The following UBOX5 variants were observed in gnomAD, a reference collection of about 807,000 sequenced individuals.
UBOX5 encodes RING finger protein 37.
UBOX5 carries 28 observed loss-of-function variants against 39.0 expected under a neutral mutation model. The observed-to-expected ratio is 0.72, with a 90% confidence interval of 0.53 to 0.98. The LOEUF (loss-of-function observed/expected upper bound fraction) is 0.98, where lower values mean the gene tolerates loss of function less well. Among genes scored for constraint, UBOX5 ranks in the 50% least tolerant of loss-of-function variants. The pLI, the probability that UBOX5 is intolerant of heterozygous loss-of-function variation, is 0.00. For missense variants in UBOX5, 585 were observed against 674.4 expected, an observed-to-expected ratio of 0.87 and a Z score of 1.47; for synonymous variants, 283 against 275.5, an observed-to-expected ratio of 1.03 and a Z score of -0.27.
At chr20:3,154,644 T>C (rs1055993956) in intron 1 of UBOX5, among the ~76,000 whole-genome samples, 11 of 152,082 alleles carry the variant, frequency 7.2e-5, no homozygotes, top group African/African-American at 1.2e-4. Flanking sequence ...GATCCTGCTA[T>C]GGCAGGGTGA....
At chr20:3,115,522 A>G in intron 3 of UBOX5, 56 bp from the exon 4 acceptor site, 2 of 1,543,748 alleles carry the variant, frequency 1.3e-6, no homozygotes, top group Non-Finnish European at 1.7e-6. Context: ...AAAAGAGAAC[A>G]GCCTCAAGTC....
chr20:3,158,098 G>T (rs745968178), intron 1 of UBOX5, among the ~76,000 whole-genome samples: 21 of 151,762 alleles, frequency 1.4e-4, no homozygotes, highest in Non-Finnish European at 2.5e-4. Context: ...CCACCACCAC[G>T]CCTGGCTACA....
At position 3,113,612 on chromosome 20, in the gene UBOX5, A is replaced by G. The variant is rs561833867; in HGVS notation, c.1417+1693T>C. On this transcript the variant is annotated intron_variant, in intron 4 of 4. Coordinates refer to ENST00000217173, the MANE Select transcript of UBOX5 (RefSeq NM_014948.4). ...GCCAGGGGAGGGGCCACAGAAGGAG[A>G]GCAGGGGACTAACCTGAGGTCACCT... is the stretch of plus-strand genomic sequence containing the variant. Among the ~76,000 whole-genome samples the G allele has an allele frequency of 2.6e-5, 4 of 152,066 alleles. No homozygotes were observed. In the South Asian group the frequency reaches 6.2e-4, roughly 24 times the overall value.
At chr20:3,130,209 G>A (rs1178306430) in intron 1 of UBOX5, among the ~76,000 whole-genome samples, 1 of 149,586 alleles carries the variant, frequency 6.7e-6, no homozygotes, top group Non-Finnish European at 1.5e-5. Context: ...GGGTGACAGA[G>A]TGAGACCCTG....
intron 3 of UBOX5, among the ~76,000 whole-genome samples, chr20:3,119,581 C>T (rs988925595): frequency 5.9e-5 from 9 of 152,146 alleles, no homozygotes; most frequent in African/African-American, 1.7e-4. Flanking sequence ...AGGCCAGGCG[C>T]GGTGGCTTAT....
In UBOX5 at chr20:3,134,119, T is replaced by A. The variant is rs192786457; in HGVS notation, c.-41-10713A>T. ...CAGTATAGGTATGCATATATATATA[T>A]AAACTACATATAGTAGTCATGTATT... On this transcript the variant is annotated intron_variant, in intron 1 of 4. Coordinates refer to ENST00000217173, the MANE Select transcript of UBOX5 (RefSeq NM_014948.4). Among the ~76,000 whole-genome samples, 3 of 152,168 alleles carry A rather than the reference T, an allele frequency of 2.0e-5. No individual in the cohort carries two copies. The East Asian group carries it at 5.8e-4, about 29-fold the overall frequency.
chr20:3,150,366 C>T (rs1023109588), intron 1 of UBOX5, among the ~76,000 whole-genome samples: 3 of 152,200 alleles, frequency 2.0e-5, no homozygotes, highest in Non-Finnish European at 2.9e-5. Flanking sequence ...AACTGCCCCG[C>T]TGACATCTTC....
chr20:3,125,589 G>A (rs1399296477), intron 1 of UBOX5, among the ~76,000 whole-genome samples: 4 of 145,360 alleles, frequency 2.8e-5, no homozygotes, highest in African/African-American at 1.0e-4. Context: ...GGGAGGTGAG[G>A]AGCGCCTCTG....
intron 1 of UBOX5, among the ~76,000 whole-genome samples, chr20:3,130,223 CCAAAAA>C (rs2066418728): frequency 7.8e-6 from 1 of 127,668 alleles, no homozygotes; most frequent in African/African-American, 3.1e-5. Flanking sequence ...GACCCTGTCT[CCAAAAA>C]TAAATAAATA....
chr20:3,115,663 C>A (rs757982891), intron 3 of UBOX5, among the ~76,000 whole-genome samples, 197 bp from the exon 4 acceptor site: 2 of 151,856 alleles, frequency 1.3e-5, no homozygotes, highest in Non-Finnish European at 2.9e-5. Context: ...AGTTCCTGCC[C>A]ATCCCACCGG....
chr20:3,132,568 C>T (rs568570306), intron 1 of UBOX5, among the ~76,000 whole-genome samples: 1 of 151,898 alleles, frequency 6.6e-6, no homozygotes, highest in South Asian at 2.1e-4. Flanking sequence ...CCTGTAATCC[C>T]AGCACTTTGG....
intron 1 of UBOX5, among the ~76,000 whole-genome samples, chr20:3,158,824 C>T (rs540293971): frequency 1.9e-4 from 29 of 152,300 alleles, no homozygotes; most frequent in Non-Finnish European, 3.4e-4. Context: ...AAGGACTTGC[C>T]CAGGACCATT....
intron 1 of UBOX5, chr20:3,146,695 T>G: frequency 6.8e-7 from 1 of 1,478,668 alleles, no homozygotes; most frequent in Non-Finnish European, 9.1e-7. Context: ...CAAACTTACA[T>G]TCTGGCTTTT....
intron 3 of UBOX5, among the ~76,000 whole-genome samples, chr20:3,118,108 A>C (rs567226594): frequency 1.4e-4 from 22 of 152,010 alleles, no homozygotes; most frequent in African/African-American, 5.3e-4. Context: ...CAGTGAGCAG[A>C]GATTGCGTCA....
chr20:3,126,187 G>A (rs934862590), intron 1 of UBOX5, among the ~76,000 whole-genome samples: 2 of 152,192 alleles, frequency 1.3e-5, no homozygotes, highest in African/African-American at 2.4e-5. Flanking sequence ...GCCTTGGGAT[G>A]CTGTTAATCT....
chr20:3,133,286 CA>C (rs1274202158), intron 1 of UBOX5, among the ~76,000 whole-genome samples: 1 of 152,106 alleles, frequency 6.6e-6, no homozygotes. Flanking sequence ...AATAATGGCT[CA>C]ACATATGAAA....
At chr20:3,136,132 C>T (rs1402609682) in intron 1 of UBOX5, 4 of 152,078 alleles carry the variant, frequency 2.6e-5, no homozygotes, top group African/African-American at 9.7e-5. Context: ...AAATGGCTTC[C>T]TGAAGACATC....
In UBOX5 at chr20:3,107,916, C is replaced by T. The variant is rs1012438309; in HGVS notation, c.*2190G>A. ...CCCTCATCTGGGAGCGCCGTGCTGA[C>T]GCTGACTGCACGCTAGGGCTCTCGG... On this transcript the variant is annotated 3_prime_UTR_variant, in exon 5 of 5. Transcript: ENST00000217173. This position sits in a 1 kb window ranked among gnomAD's most constrained non-coding sequence, Gnocchi z 5.0. 2.6e-5 allele frequency: 4 copies of T among 152,226 alleles called. No individual in the cohort carries two copies. The highest frequency in any genetic ancestry group is 1.9e-4 in the East Asian group (1 of 5,184). The allele number at this position is 152,226 out of a possible 1,614,324, so 9.4% of individuals were successfully genotyped here. A position where few individuals can be genotyped will look rare whatever the true frequency, so the allele number is the denominator to read the frequency against.
chr20:3,147,198 G>A (rs377640278), intron 1 of UBOX5: 1 of 1,614,114 alleles, frequency 6.2e-7, no homozygotes, highest in Non-Finnish European at 8.5e-7. Context: ...TCATCTGTAA[G>A]GCTGACTCCC....
Sources: gnomAD v4.1 joint callset for allele counts (sites outside exome capture counted in the v4.1 genomes callset) on GRCh38, gnomAD v4.1.1 for gene constraint, Gnocchi (gnomAD v3.1) non-coding constraint, MANE v1.5 for transcripts, NCBI Gene and HGNC (gene_info 2026-07-23, HGNC 2026-07-21) for gene names.